The following TBC1D22A variants were observed in gnomAD, a reference collection of about 807,000 sequenced individuals.
TBC1D22A encodes TBC1 domain family member 22A.
In TBC1D22A, 38 loss-of-function variants were observed where a neutral mutation model predicts 60.2. The observed-to-expected ratio is 0.63, with a 90% CI of 0.49 to 0.83. TBC1D22A has a LOEUF of 0.83. Among genes scored for constraint, TBC1D22A ranks in the 40% least tolerant of loss-of-function variants. The pLI, the probability that TBC1D22A is intolerant of heterozygous loss-of-function variation, is 0.00. For synonymous variants in TBC1D22A, 302 were observed against 281.7 expected (o/e 1.07, Z -0.72); for missense variants, 628 against 701.0 (o/e 0.90, Z 1.18).
Position 47,175,137 on chromosome 22 carries a change from T to C in TBC1D22A, c.*1511T>C, listed in dbSNP as rs2068638676. ...GTGATGTGTGTGTTTCTGCTTCTGTTTTAAAAATCCAGGGTCATTACACAC... is the reference window on the plus strand; with the variant it reads ...GTGATGTGTGTGTTTCTGCTTCTGTCTTAAAAATCCAGGGTCATTACACAC... On this transcript the variant is annotated 3_prime_UTR_variant, in exon 13 of 13. Coordinates refer to ENST00000337137, the MANE Select transcript of TBC1D22A (RefSeq NM_014346.5). 1 of 152,258 alleles carries C rather than the reference T, an allele frequency of 6.6e-6. No individual in the cohort carries two copies. The highest frequency in any genetic ancestry group is 2.1e-4 in the South Asian group (1 of 4,830). 9.4% of individuals were successfully genotyped at this position (152,258 alleles called of 1,614,324 possible). A position where few individuals can be genotyped will look rare whatever the true frequency, so the allele number is the denominator to read the frequency against.
intron 5 of TBC1D22A, among the ~76,000 whole-genome samples, chr22:46,880,965 G>A (rs1351174502): frequency 1.3e-5 from 2 of 152,166 alleles, no homozygotes; most frequent in African/African-American, 4.8e-5. Context: ...GGCTTCTTGG[G>A]GAAGGTGGCA....
At chr22:47,129,321 A>G (rs1460449403) in intron 12 of TBC1D22A, among the ~76,000 whole-genome samples, 2 of 152,214 alleles carry the variant, frequency 1.3e-5, no homozygotes, top group Non-Finnish European at 2.9e-5. Context: ...TACTAAAAAT[A>G]CAAAAATTAG....
intron 10 of TBC1D22A, among the ~76,000 whole-genome samples, chr22:47,017,144 T>G (rs1219979400): frequency 6.6e-6 from 1 of 152,254 alleles, no homozygotes; most frequent in Non-Finnish European, 1.5e-5. Flanking sequence ...TTAATGGTGT[T>G]GATGCTCTAC....
chr22:46,773,631 A>AT (rs1338174994), intron 1 of TBC1D22A, among the ~76,000 whole-genome samples: 4 of 152,002 alleles, frequency 2.6e-5, no homozygotes, highest in Admixed American at 1.3e-4. Context: ...CACCCAGCTC[A>AT]TTTTTTTGTG....
At chr22:46,831,297 C>G (rs1228270605) in intron 4 of TBC1D22A, among the ~76,000 whole-genome samples, 1 of 152,112 alleles carries the variant, frequency 6.6e-6, no homozygotes, top group Non-Finnish European at 1.5e-5. Context: ...GGATTTCCAG[C>G]AACTCTCCAG....
chr22:46,995,280 C>T (rs779366339), intron 9 of TBC1D22A, among the ~76,000 whole-genome samples: 15 of 152,182 alleles, frequency 9.9e-5, no homozygotes, highest in African/African-American at 2.2e-4. Flanking sequence ...ACGGAGTTTT[C>T]GTGGTTCTGC....
chr22:47,070,621 T>G, intron 11 of TBC1D22A, among the ~76,000 whole-genome samples: 1 of 150,354 alleles, frequency 6.7e-6, no homozygotes, highest in South Asian at 2.1e-4. Context: ...TGTCCCCTGT[T>G]GTTTGGCTGG....
intron 11 of TBC1D22A, among the ~76,000 whole-genome samples, chr22:47,072,059 T>G (rs571772529): frequency 1.9e-4 from 28 of 151,146 alleles, no homozygotes; most frequent in African/African-American, 5.9e-4. Context: ...TCATTTGTCA[T>G]GAATACTCAG....
In TBC1D22A at chr22:46,904,142, T is replaced by TAC. The variant is rs2069247452; in HGVS notation, c.901-7932_901-7931insAC. Among the ~76,000 whole-genome samples, 157 of 134,556 alleles carry TAC rather than the reference T, an allele frequency of 1.2e-3. 1 individual carries two copies. Among genetic ancestry groups the TAC allele is most frequent in the Non-Finnish European group, 3.0e-4 (19 of 63,148 alleles). 88.3% of individuals were successfully genotyped at this position (134,556 alleles called of 152,430 possible). A position where few individuals can be genotyped will look rare whatever the true frequency, so the allele number is the denominator to read the frequency against. ...ATCTATCTATCTATCTATCTATCTA[T>TAC]CTACCTACCTACCTACCTACCTACC... On this transcript the variant is annotated intron_variant, in intron 7 of 12. Coordinates refer to ENST00000337137, the MANE Select transcript of TBC1D22A (RefSeq NM_014346.5).
chr22:47,123,897 G>A (rs1357202692), intron 12 of TBC1D22A, among the ~76,000 whole-genome samples: 1 of 152,184 alleles, frequency 6.6e-6, no homozygotes, highest in Admixed American at 6.5e-5. Flanking sequence ...GTGTTGCTGT[G>A]TGGGGTTTGT....
At chr22:46,890,634 A>C (rs921184987) in intron 5 of TBC1D22A, among the ~76,000 whole-genome samples, 1 of 152,168 alleles carries the variant, frequency 6.6e-6, no homozygotes, top group African/African-American at 2.4e-5. Context: ...AACAGAAACC[A>C]TGAAATCCTG....
intron 1 of TBC1D22A, among the ~76,000 whole-genome samples, chr22:46,773,557 CG>C (rs1356696957): frequency 1.3e-5 from 2 of 152,124 alleles, no homozygotes; most frequent in African/African-American, 2.4e-5. Flanking sequence ...CTCTGCCTCC[CG>C]GGTTCAAGCA....
chr22:46,769,366 C>T (rs1253065072), intron 1 of TBC1D22A, among the ~76,000 whole-genome samples: 1 of 152,248 alleles, frequency 6.6e-6, no homozygotes, highest in Non-Finnish European at 1.5e-5. Context: ...GAGCTCCTCT[C>T]CTGTGCCAGG....
chr22:47,085,412 G>C (rs949613288), intron 11 of TBC1D22A, among the ~76,000 whole-genome samples: 1 of 151,936 alleles, frequency 6.6e-6, no homozygotes, highest in Non-Finnish European at 1.5e-5. Flanking sequence ...TTTATCTATG[G>C]ATTAGATAAA....
chr22:46,889,590 A>G (rs5769204), intron 5 of TBC1D22A, among the ~76,000 whole-genome samples: 85,740 of 152,128 alleles, frequency 0.56, 27,037 homozygotes, highest in Middle Eastern at 0.78. Flanking sequence ...AACCGGAAAC[A>G]ACCGAAATGC....
chr22:46,843,695 C>G (rs1252914525), intron 4 of TBC1D22A, among the ~76,000 whole-genome samples: 1 of 152,024 alleles, frequency 6.6e-6, no homozygotes, highest in Non-Finnish European at 1.5e-5. Flanking sequence ...GCACTCTTAA[C>G]AGTTTAAGAG....
chr22:47,043,850 ATGCCAGGGCAGGTCCGAGGC>A (rs1482776096), intron 11 of TBC1D22A, among the ~76,000 whole-genome samples: 1 of 124,246 alleles, frequency 8.0e-6, no homozygotes, highest in East Asian at 2.5e-4. Flanking sequence ...GAGTATTTGG[ATGCCAGGGCAGGTCCGAGGC>A]TGCCAGACTC....
rs139022868 is a variant in TBC1D22A at position 47,084,498 on chromosome 22, C to G, written c.1330-27010C>G. On this transcript the variant is annotated intron_variant, in intron 11 of 12. Coordinates refer to ENST00000337137, the MANE Select transcript of TBC1D22A (RefSeq NM_014346.5). ...GCGGGGCCCAGCAGGCTGTGCTTAACGAGCCCTCCAGGTGGTTCTGGAGCA... is the reference window on the plus strand; with the variant it reads ...GCGGGGCCCAGCAGGCTGTGCTTAAGGAGCCCTCCAGGTGGTTCTGGAGCA... Among the ~76,000 whole-genome samples, 57 of 152,276 alleles carry G rather than the reference C, an allele frequency of 3.7e-4. No individual in the cohort carries two copies. The East Asian group carries it at 4.8e-3, about 13-fold the overall frequency.
intron 11 of TBC1D22A, among the ~76,000 whole-genome samples, chr22:47,054,328 C>T (rs1433412491): frequency 1.3e-5 from 2 of 152,170 alleles, no homozygotes; most frequent in Non-Finnish European, 2.9e-5. Flanking sequence ...CTGGTGGAGA[C>T]GATGAGCAGC....
Sources: gnomAD v4.1 joint callset for allele counts (sites outside exome capture counted in the v4.1 genomes callset) on GRCh38, gnomAD v4.1.1 for gene constraint, MANE v1.5 for transcripts, NCBI Gene and HGNC (gene_info 2026-07-23, HGNC 2026-07-21) for gene names.